The following MXI1 variants were observed in gnomAD, a reference collection of about 807,000 sequenced individuals.
The protein encoded by MXI1 is MAX interactor 1, dimerization protein, also known as max-interacting protein 1.
A neutral mutation model predicts 36.9 loss-of-function variants in MXI1; 18 were observed. That is an observed-to-expected ratio of 0.49 (90% CI 0.34 to 0.72). The LOEUF (loss-of-function observed/expected upper bound fraction) is 0.72. MXI1 is among the 30% of genes least tolerant of loss of function. MXI1 has a pLI of 0.01. For synonymous variants in MXI1, 160 were observed against 146.7 expected (o/e 1.09, Z -0.65); for missense variants, 304 against 379.1 (o/e 0.80, Z 1.64).
At chr10:110,266,119 T>G (rs1344611304) in intron 3 of MXI1, among the ~76,000 whole-genome samples, 1 of 151,848 alleles carries the variant, frequency 6.6e-6, no homozygotes, top group Non-Finnish European at 1.5e-5. Flanking sequence ...TCTTTCTTTT[T>G]TTTTTTGAGA....
chr10:110,241,994 A>C (rs1855686582), intron 2 of MXI1, among the ~76,000 whole-genome samples: 1 of 144,964 alleles, frequency 6.9e-6, no homozygotes, highest in Admixed American at 7.3e-5. Flanking sequence ...ATTTAGATTC[A>C]TGACTTTCTT....
In MXI1 at chr10:110,207,781, G is replaced by C; in HGVS notation, c.-28G>C. On this transcript the variant is annotated 5_prime_UTR_variant, in exon 1 of 6. Transcript: ENST00000332674. ...GCCGGGCCGCGCAGCCCCGTTAGAG[G>C]ACGAGCTCGGCGGACCCCCGCTCCT... 1.8e-6 allele frequency: 2 copies of C among 1,130,240 alleles called. No individual in the cohort carries two copies. Among genetic ancestry groups the C allele is most frequent in the Non-Finnish European group, 2.2e-6 (2 of 920,406 alleles). 70.0% of individuals were successfully genotyped at this position (1,130,240 alleles called of 1,614,324 possible). A position where few individuals can be genotyped will look rare whatever the true frequency, so the allele number is the denominator to read the frequency against.
chr10:110,228,030 C>G (rs956652241), intron 1 of MXI1, 159 bp from the exon 2 acceptor site: 5 of 733,070 alleles, frequency 6.8e-6, no homozygotes, highest in Non-Finnish European at 8.9e-6. Context: ...GATTGATGTC[C>G]AGGCGAGGGA....
intron 3 of MXI1, among the ~76,000 whole-genome samples, chr10:110,256,222 A>C (rs2134418283): frequency 6.6e-6 from 1 of 152,286 alleles, no homozygotes; most frequent in South Asian, 2.1e-4. Context: ...CATAAGTGTA[A>C]ATCTTTATGA....
chr10:110,284,684 G>C (rs1857379190), intron 5 of MXI1, 140 bp from the exon 6 acceptor site: 1 of 799,302 alleles, frequency 1.3e-6, no homozygotes, highest in South Asian at 2.1e-5. Flanking sequence ...TCTTCACCTT[G>C]TTCCTCTGTT....
At chr10:110,228,363 G>A (rs1855138231) in intron 2 of MXI1, 42 bp downstream of exon 2, 1 of 1,611,560 alleles carries the variant, frequency 6.2e-7, no homozygotes, top group Non-Finnish European at 8.5e-7. Context: ...CTGGAGGGAA[G>A]GAGCACATTT....
intron 1 of MXI1, chr10:110,210,359 CG>C: frequency 1.1e-6 from 1 of 888,830 alleles, no homozygotes; most frequent in Non-Finnish European, 1.3e-6. Context: ...CTCCTCCGGC[CG>C]GCTCCCGGCG....
intron 1 of MXI1, among the ~76,000 whole-genome samples, chr10:110,210,612 C>G (rs1263741053): frequency 6.6e-6 from 1 of 152,142 alleles, no homozygotes; most frequent in East Asian, 1.9e-4. Flanking sequence ...CAAAGAGAAG[C>G]GGTCCACGGG....
intron 5 of MXI1, 50 bp downstream of exon 5, chr10:110,280,135 G>C (rs1857179330): frequency 5.4e-6 from 8 of 1,473,734 alleles, no homozygotes; most frequent in Non-Finnish European, 7.3e-6. Context: ...CTCTGTATCT[G>C]GATTTAGGGA....
chr10:110,217,317 C>T (rs919554540), intron 1 of MXI1, among the ~76,000 whole-genome samples: 4 of 152,188 alleles, frequency 2.6e-5, no homozygotes, highest in Non-Finnish European at 5.9e-5. Context: ...ATCTGGATTA[C>T]CTACTATTTG....
intron 1 of MXI1, among the ~76,000 whole-genome samples, chr10:110,218,615 G>A (rs1431456996): frequency 1.3e-5 from 2 of 152,130 alleles, no homozygotes; most frequent in Non-Finnish European, 2.9e-5. Context: ...GGAGCCAAAT[G>A]GCTCCTTTCT....
chr10:110,210,369 C>CCGGAGGA, intron 1 of MXI1: 1 of 849,494 alleles, frequency 1.2e-6, no homozygotes, highest in Non-Finnish European at 1.4e-6. Context: ...CGGCTCCCGG[C>CCGGAGGA]GGGAGTATTT....
chr10:110,214,086 C>T (rs1381143977), intron 1 of MXI1, among the ~76,000 whole-genome samples: 1 of 152,174 alleles, frequency 6.6e-6, no homozygotes, highest in Non-Finnish European at 1.5e-5. Flanking sequence ...GCTAGTAAGT[C>T]GCGGAGCTGA....
chr10:110,219,455 T>C (rs535629655), intron 1 of MXI1, among the ~76,000 whole-genome samples: 23 of 152,280 alleles, frequency 1.5e-4, no homozygotes, highest in African/African-American at 4.8e-4. Context: ...GTGAGTGTGA[T>C]TGGAGGATGG....
chr10:110,282,474 A>C (rs1017823691), intron 5 of MXI1, among the ~76,000 whole-genome samples: 2 of 152,226 alleles, frequency 1.3e-5, no homozygotes, highest in South Asian at 4.1e-4. Flanking sequence ...TATCAGTAAC[A>C]GTGAAATATA....
intron 1 of MXI1, chr10:110,225,946 G>A (rs1854950107): frequency 2.0e-5 from 18 of 899,892 alleles, no homozygotes; most frequent in Non-Finnish European, 2.4e-5. Context: ...GCGGGAGGGG[G>A]CGGGCCCCGG....
intron 1 of MXI1, among the ~76,000 whole-genome samples, chr10:110,225,025 TC>T (rs1854919197): frequency 6.6e-6 from 1 of 152,200 alleles, no homozygotes; most frequent in African/African-American, 2.4e-5. Flanking sequence ...GAAAACATCA[TC>T]ATCGCTTCTA....
chr10:110,208,737 G>GCCCCCC (rs1267505658), intron 1 of MXI1: 2 of 105,788 alleles, frequency 1.9e-5, no homozygotes, highest in African/African-American at 1.2e-4. Context: ...GGGTGCCACC[G>GCCCCCC]CCGCCCCCCC....
chr10:110,237,720 T>C (rs1855522666), intron 2 of MXI1, among the ~76,000 whole-genome samples: 2 of 152,192 alleles, frequency 1.3e-5, no homozygotes, highest in African/African-American at 4.8e-5. Flanking sequence ...CAGAGGTTCC[T>C]ACAGCCCCTT....
Sources: gnomAD v4.1 joint callset for allele counts (sites outside exome capture counted in the v4.1 genomes callset) on GRCh38, gnomAD v4.1.1 for gene constraint, MANE v1.5 for transcripts, NCBI Gene and HGNC (gene_info 2026-07-23, HGNC 2026-07-21) for gene names.